RIT2: variants seen among roughly 807,000 people sequenced by gnomAD.
The protein encoded by RIT2 is GTP-binding protein Rit2.
RIT2 carries 24 observed loss-of-function variants against 23.7 expected under a neutral mutation model. The ratio of observed to expected loss-of-function variants is 1.01; its 90% CI spans 0.73 to 1.43. RIT2 has a LOEUF of 1.43. Ranked by LOEUF, RIT2 falls within the 40% of genes most tolerant of loss-of-function variation. The pLI, the probability that RIT2 is intolerant of heterozygous loss-of-function variation, is 0.00. For synonymous variants in RIT2, 107 were observed against 91.1 expected (o/e 1.17, Z -0.99); for missense variants, 236 against 266.9 (o/e 0.88, Z 0.81).
At chr18:42,989,132 A>C (rs1324693844) in intron 2 of RIT2, among the ~76,000 whole-genome samples, 1 of 152,198 alleles carries the variant, frequency 6.6e-6, no homozygotes, top group African/African-American at 2.4e-5. Context: ...TTAATTTGTC[A>C]GCTTCTCTAA....
At chr18:43,101,494 A>G (rs1191919454) in intron 1 of RIT2, among the ~76,000 whole-genome samples, 3 of 152,232 alleles carry the variant, frequency 2.0e-5, no homozygotes, top group Non-Finnish European at 2.9e-5. Context: ...ATAAAATACC[A>G]TAGGAAATTA....
At chr18:42,920,549 T>G (rs1909027920) in intron 4 of RIT2, 1 of 598,734 alleles carries the variant, frequency 1.7e-6, no homozygotes, top group African/African-American at 1.9e-5. Context: ...CTTTGAATCC[T>G]TCCACATTAA....
chr18:43,013,344 A>G (rs923137830), intron 2 of RIT2, among the ~76,000 whole-genome samples: 1 of 151,886 alleles, frequency 6.6e-6, no homozygotes, highest in Non-Finnish European at 1.5e-5. Flanking sequence ...AGTAATGAAT[A>G]TAAATTTGTG....
At chr18:43,001,475 G>A (rs1161557865) in intron 2 of RIT2, among the ~76,000 whole-genome samples, 3 of 151,932 alleles carry the variant, frequency 2.0e-5, no homozygotes, top group Non-Finnish European at 4.4e-5. Flanking sequence ...AGTGAGTGCC[G>A]ACAAACACGG....
intron 4 of RIT2, among the ~76,000 whole-genome samples, chr18:42,758,090 G>A (rs982957642): frequency 4.7e-5 from 7 of 149,940 alleles, no homozygotes; most frequent in Non-Finnish European, 1.0e-4. Flanking sequence ...AGCCCCTTTG[G>A]TTTCAGAAAA....
chr18:42,865,195 C>T (rs939453458), intron 4 of RIT2, among the ~76,000 whole-genome samples: 9 of 152,284 alleles, frequency 5.9e-5, no homozygotes, highest in African/African-American at 2.2e-4. Context: ...GCAAGCTGGT[C>T]CTAATCCAGT....
At chr18:43,106,405 T>G (rs1489843748) in intron 1 of RIT2, among the ~76,000 whole-genome samples, 1 of 152,202 alleles carries the variant, frequency 6.6e-6, no homozygotes, top group Non-Finnish European at 1.5e-5. Flanking sequence ...GATTTTCACA[T>G]ATACAAGAAA....
At chr18:43,084,852 C>A (rs1391069039) in intron 1 of RIT2, among the ~76,000 whole-genome samples, 3 of 152,144 alleles carry the variant, frequency 2.0e-5, no homozygotes, top group African/African-American at 7.2e-5. Context: ...ACCTATGTAA[C>A]AAACCTGCAC....
chr18:43,082,401 CA>C (rs1568076686), intron 1 of RIT2, among the ~76,000 whole-genome samples: 1 of 152,016 alleles, frequency 6.6e-6, no homozygotes, highest in Non-Finnish European at 1.5e-5. Context: ...ATCCTGATAC[CA>C]AAACCTAGCA....
chr18:42,905,909 GA>G (rs552401154), intron 4 of RIT2, among the ~76,000 whole-genome samples: 5,553 of 131,348 alleles, frequency 0.042, 372 homozygotes, highest in African/African-American at 0.14. Context: ...GGCTAAGGAG[GA>G]AAAAAAAAAA....
At chr18:43,114,016 C>T (rs1430418729) in intron 1 of RIT2, among the ~76,000 whole-genome samples, 2 of 152,038 alleles carry the variant, frequency 1.3e-5, no homozygotes, top group Admixed American at 6.6e-5. Context: ...TGTCTCTATC[C>T]TTCCTCCATC....
chr18:43,033,836 G>A lies in RIT2; in HGVS notation c.135C>T (p.Phe45=). 6.2e-7 allele frequency: 1 copy of A among 1,609,244 alleles called. No homozygotes were observed. Among genetic ancestry groups the A allele is most frequent in the Non-Finnish European group, 8.5e-7 (1 of 1,176,612 alleles). ...AMTMQFISHQ[F]PDYHDPTIED... ...CTATAGTAGGGTCATGATAATCAGG[G>A]AACTGATGACTAATAAACTGCATTG... is the stretch of plus-strand genomic sequence containing the variant. Residue 45 remains phenylalanine, a synonymous_variant, in exon 2 of 5, where the codon TTC becomes TTT. Coordinates refer to ENST00000326695, the MANE Select transcript of RIT2 (RefSeq NM_002930.4).
chr18:42,961,314 A>G (rs1308284215), intron 3 of RIT2, among the ~76,000 whole-genome samples: 1 of 152,210 alleles, frequency 6.6e-6, no homozygotes, highest in Non-Finnish European at 1.5e-5. Flanking sequence ...TAAAGTTGTT[A>G]GCAGTTACTC....
chr18:42,998,652 T>G (rs1158295977), intron 2 of RIT2, among the ~76,000 whole-genome samples: 2 of 152,142 alleles, frequency 1.3e-5, no homozygotes, highest in East Asian at 3.9e-4. Flanking sequence ...GTCAATAATA[T>G]TCAATGTCTC....
chr18:42,813,998 C>A (rs959421934), intron 4 of RIT2, among the ~76,000 whole-genome samples: 1 of 152,134 alleles, frequency 6.6e-6, no homozygotes, highest in Non-Finnish European at 1.5e-5. Flanking sequence ...TCTAACCCTA[C>A]CTGGAGCTGA....
chr18:42,837,137 CTTTT>C (rs1182682879), intron 4 of RIT2, among the ~76,000 whole-genome samples: 2 of 38,954 alleles, frequency 5.1e-5, no homozygotes, highest in Admixed American at 2.5e-4. Context: ...ATAAAAATTT[CTTTT>C]TTTTTCTTTT....
At chr18:42,757,360 T>A (rs2143893475) in intron 4 of RIT2, among the ~76,000 whole-genome samples, 1 of 152,286 alleles carries the variant, frequency 6.6e-6, no homozygotes, top group Non-Finnish European at 1.5e-5. Flanking sequence ...TTGAATGGAA[T>A]CTAGGGACCA....
In RIT2 at chr18:43,098,123, T is replaced by C. The variant is rs546985110; in HGVS notation, c.103+17294A>G. On this transcript the variant is annotated intron_variant, in intron 1 of 4. Transcript: ENST00000326695. ...CAGGATAAGCTCAAATTGAACAAAA[T>C]ACTGAAGCTATAACCTGGTTCCTTA... Among the ~76,000 whole-genome samples the C allele has an allele frequency of 2.0e-5, 3 of 152,032 alleles. No individual in the cohort carries two copies. The South Asian group carries it at 6.2e-4, about 31-fold the overall frequency.
intron 3 of RIT2, among the ~76,000 whole-genome samples, chr18:42,926,832 TG>T (rs1424724415): frequency 6.6e-6 from 1 of 151,964 alleles, no homozygotes; most frequent in African/African-American, 2.4e-5. Context: ...TATAACTGAA[TG>T]TATGCTCAAG....
Sources: gnomAD v4.1 joint callset for allele counts (sites outside exome capture counted in the v4.1 genomes callset) on GRCh38, gnomAD v4.1.1 for gene constraint, MANE v1.5 for transcripts, NCBI Gene and HGNC (gene_info 2026-07-23, HGNC 2026-07-21) for gene names.